Variants in TTC39A observed in about 807,000 individuals in gnomAD.
The protein encoded by TTC39A is tetratricopeptide repeat protein 39A.
In TTC39A, 46 loss-of-function variants were observed where a neutral mutation model predicts 82.3. That is an observed-to-expected ratio of 0.56 (90% CI 0.44 to 0.71). The LOEUF is 0.71. Among genes scored for constraint, TTC39A ranks in the 30% least tolerant of loss-of-function variants. The pLI, the probability that TTC39A is intolerant of heterozygous loss-of-function variation, is 0.00. For missense variants in TTC39A, 543 were observed against 712.9 expected, an observed-to-expected ratio of 0.76 and a Z score of 2.71; for synonymous variants, 254 against 275.2, an observed-to-expected ratio of 0.92 and a Z score of 0.76.
Position 51,330,548 on chromosome 1 carries a change from C to A in TTC39A, c.-71G>T, listed in dbSNP as rs1344890563. On this transcript the variant is annotated 5_prime_UTR_variant, in exon 1 of 18. Transcript: ENST00000680483. The surrounding 1 kb of genome is among the most constrained non-coding windows in gnomAD (Gnocchi z 4.5). ...GGCCCAGGTGCTGCCGCCGCAACCC[C>A]GAGCCGGGCGCTGTGCGGTCGCGGA... The A allele has an allele frequency of 3.1e-6, 3 of 983,466 alleles. No individual in the cohort carries two copies. The East Asian group carries it at 3.4e-4, about 112-fold the overall frequency. 60.9% of individuals were successfully genotyped at this position (983,466 alleles called of 1,614,324 possible).
At chr1:51,295,938 G>C in intron 13 of TTC39A, 141 bp downstream of exon 13, 1 of 817,020 alleles carries the variant, frequency 1.2e-6, no homozygotes, top group Non-Finnish European at 2.0e-6. Flanking sequence ...ACGCAGGGGG[G>C]GCAGTCCGCG....
upstream of TTC39A, chr1:51,331,140 G>A: frequency 6.9e-7 from 1 of 1,452,980 alleles, no homozygotes; most frequent in Non-Finnish European, 9.5e-7. Context: ...TTTGATTCAC[G>A]CATGGTCACT....
Position 51,288,048 on chromosome 1 carries a change from C to G in TTC39A, c.*109G>C. On this transcript the variant is annotated 3_prime_UTR_variant, in exon 18 of 18. Transcript: ENST00000680483. The surrounding 1 kb of genome is among the most constrained non-coding windows in gnomAD (Gnocchi z 4.8). Reference sequence around the variant, plus strand: ...TATGTTGTGCCATCCAACTGGAGTGCCGGTGGACCCCAAAGGCAGGGCAGG... The same window carrying G: ...TATGTTGTGCCATCCAACTGGAGTGGCGGTGGACCCCAAAGGCAGGGCAGG... The G allele has an allele frequency of 1.3e-6, 2 of 1,484,366 alleles. No individual in the cohort carries two copies. The allele number at this position is 1,484,366 out of a possible 1,614,324, so 91.9% of individuals were successfully genotyped here.
intron 12 of TTC39A, chr1:51,300,553 C>T (rs1457996032): frequency 6.6e-6 from 1 of 152,256 alleles, no homozygotes; most frequent in African/African-American, 2.4e-5. Context: ...CATGAAGACA[C>T]ATGTCCTGTG....
intron 1 of TTC39A, among the ~76,000 whole-genome samples, chr1:51,323,728 G>C (rs1258212532): frequency 1.3e-5 from 2 of 151,954 alleles, no homozygotes; most frequent in Non-Finnish European, 2.9e-5. Context: ...AATTCCACTT[G>C]GTTCTTTTTC....
upstream of TTC39A, among the ~76,000 whole-genome samples, chr1:51,334,444 G>A (rs1457146429): frequency 6.6e-6 from 1 of 151,996 alleles, no homozygotes; most frequent in Non-Finnish European, 1.5e-5. Context: ...CGGAGGTTGC[G>A]GTGAACCAAG....
chr1:51,291,306 C>G (rs1644205721), intron 14 of TTC39A, among the ~76,000 whole-genome samples: 2 of 151,746 alleles, frequency 1.3e-5, no homozygotes, highest in Admixed American at 1.3e-4. Context: ...GCCTGGCCAA[C>G]ATGGTGAAAC....
At chr1:51,333,197 G>A (rs1645934146), upstream of TTC39A, among the ~76,000 whole-genome samples, 1 of 110,782 alleles carries the variant, frequency 9.0e-6, no homozygotes, top group Non-Finnish European at 1.8e-5. Context: ...GGGTTAACAA[G>A]AGCAAAACTC....
chr1:51,301,824 G>A (rs1415463548), intron 11 of TTC39A, 91 bp from the exon 12 acceptor site: 6 of 1,522,912 alleles, frequency 3.9e-6, no homozygotes, highest in Non-Finnish European at 5.3e-6. Context: ...AGCAGACCGG[G>A]ACTCCTCCAG....
At chr1:51,344,354 A>G (rs1646071863) in intron 1 of TTC39A, among the ~76,000 whole-genome samples, 1 of 152,134 alleles carries the variant, frequency 6.6e-6, no homozygotes, top group Non-Finnish European at 1.5e-5. Context: ...ACCTCAGAAG[A>G]GAGGTCAGGG....
At chr1:51,344,945 T>G (rs1646079200) in intron 1 of TTC39A, 2 of 1,525,606 alleles carry the variant, frequency 1.3e-6, no homozygotes, top group Admixed American at 4.0e-5. Context: ...GGCGGCCCCT[T>G]GGTCCCGTCC....
intron 1 of TTC39A, among the ~76,000 whole-genome samples, chr1:51,340,593 C>CT (rs2148322871): frequency 6.6e-6 from 1 of 152,344 alleles, no homozygotes; most frequent in South Asian, 2.1e-4. Context: ...TTGACCCCAC[C>CT]TCTCAGGGAA....
At chr1:51,318,319 GA>G (rs909648506) in intron 2 of TTC39A, among the ~76,000 whole-genome samples, 1 of 152,188 alleles carries the variant, frequency 6.6e-6, no homozygotes, top group Non-Finnish European at 1.5e-5. Flanking sequence ...AGCCTTCCAA[GA>G]AAACTGAGAG....
intron 12 of TTC39A, chr1:51,301,128 C>T (rs565406632): frequency 6.5e-6 from 1 of 154,278 alleles, no homozygotes; most frequent in African/African-American, 2.4e-5. Context: ...TGTTTTGGAC[C>T]TGCATAGTCC....
intron 7 of TTC39A, chr1:51,305,662 G>A (rs1273159176): frequency 7.3e-6 from 3 of 412,936 alleles, no homozygotes; most frequent in African/African-American, 2.0e-5. Flanking sequence ...GCTCTCCAGG[G>A]CAGAGAAAGC....
rs1211909227 is a variant in TTC39A, at chr1:51,321,021, C to T, written c.146+700G>A. Among the ~76,000 whole-genome samples, 2 of 151,964 alleles carry T rather than the reference C, an allele frequency of 1.3e-5. No homozygotes were observed. Among genetic ancestry groups the T allele is most frequent in the African/African-American group, 4.8e-5 (2 of 41,354 alleles). ...CTGAGTAGCTGGGATTACAGGCACA[C>T]ACCACCACACCCAGCTAATTTTTTA... On this transcript the variant is annotated intron_variant, in intron 2 of 17. Transcript: ENST00000680483. The surrounding 1 kb of genome is among the most constrained non-coding windows in gnomAD (Gnocchi z 4.6).
intron 13 of TTC39A, 157 bp downstream of exon 13, chr1:51,295,922 G>A: frequency 2.8e-6 from 2 of 705,950 alleles, no homozygotes; most frequent in Non-Finnish European, 5.0e-6. Context: ...GATGGGAGGG[G>A]AGGACACGCA....
intron 2 of TTC39A, among the ~76,000 whole-genome samples, chr1:51,314,360 G>A (rs544534841): frequency 6.6e-5 from 10 of 152,272 alleles, no homozygotes; most frequent in East Asian, 1.9e-4. Flanking sequence ...GACTGAGAGC[G>A]CCTTTACTCC....
intron 14 of TTC39A, among the ~76,000 whole-genome samples, chr1:51,291,770 C>G (rs1644232044): frequency 6.7e-6 from 1 of 150,254 alleles, no homozygotes; most frequent in Admixed American, 6.6e-5. Flanking sequence ...CACCCCACTG[C>G]ATTCCAGCCT....
Sources: gnomAD v4.1 joint callset for allele counts (sites outside exome capture counted in the v4.1 genomes callset) on GRCh38, gnomAD v4.1.1 for gene constraint, Gnocchi (gnomAD v3.1) non-coding constraint, MANE v1.5 for transcripts, NCBI Gene and HGNC (gene_info 2026-07-23, HGNC 2026-07-21) for gene names.